The following ATXN10 variants were observed in gnomAD, a reference collection of about 807,000 sequenced individuals.
ATXN10 encodes the protein ataxin-10.
A neutral mutation model predicts 52.9 loss-of-function variants in ATXN10; 28 were observed. That is an observed-to-expected ratio of 0.53 (90% confidence interval 0.39 to 0.73). ATXN10 has a LOEUF of 0.73. Among genes scored for constraint, ATXN10 ranks in the 30% least tolerant of loss-of-function variants. The pLI, the probability that ATXN10 is intolerant of heterozygous loss-of-function variation, is 0.00. For missense variants in ATXN10, 565 were observed against 577.0 expected (o/e 0.98, Z 0.21); for synonymous variants, 226 against 221.5 (o/e 1.02, Z -0.18).
intron 5 of ATXN10, among the ~76,000 whole-genome samples, chr22:45,703,812 A>G (rs1425829453): frequency 6.6e-6 from 1 of 152,200 alleles, no homozygotes; most frequent in African/African-American, 2.4e-5. Flanking sequence ...GGGGCAAGGC[A>G]GAAAGCTCTG....
At chr22:45,693,306 G>A (rs1407032626) in intron 3 of ATXN10, among the ~76,000 whole-genome samples, 2 of 152,176 alleles carry the variant, frequency 1.3e-5, no homozygotes, top group African/African-American at 4.8e-5. Context: ...TGTTCCAGTT[G>A]CTATAACAAA....
In ATXN10 at chr22:45,765,859, G is replaced by GT. The variant is rs1193447376; in HGVS notation, c.1173+25329dup. Among the ~76,000 whole-genome samples the GT allele has an allele frequency of 7.9e-5, 12 of 151,834 alleles. No homozygotes were observed. The South Asian group carries it at 1.5e-3, about 18-fold the overall frequency. On this transcript the variant is annotated intron_variant, in intron 9 of 11. Transcript: ENST00000252934. ...AATATGATCCCAGTAATACCCTCAG[G>GT]TTTTTTTTGAGCTAGATTGATTCTA...
intron 6 of ATXN10, among the ~76,000 whole-genome samples, chr22:45,722,324 G>C (rs1431637767): frequency 6.6e-6 from 1 of 152,140 alleles, no homozygotes; most frequent in Non-Finnish European, 1.5e-5. Flanking sequence ...AGGGAGACCC[G>C]TATACCAGAC....
chr22:45,686,675 C>T lies in ATXN10; in HGVS notation c.117-3037C>T, dbSNP rs531076301. The stretch of plus-strand genomic sequence containing the variant: ...TCTACTAAAATACAAAAAAATTAGC[C>T]GGGCGTGGTGGCATGCACCTGTAGT... On this transcript the variant is annotated intron_variant, in intron 1 of 11. Coordinates refer to ENST00000252934, the MANE Select transcript of ATXN10 (RefSeq NM_013236.4). 2.2e-3 allele frequency among the ~76,000 whole-genome samples: 338 copies of T among 152,088 alleles called. 2 individuals carry two copies. The highest frequency in any genetic ancestry group is 7.9e-3 in the African/African-American group (328 of 41,494).
At position 45,718,569 on chromosome 22, in the gene ATXN10, G is replaced by T; in HGVS notation, c.728+76G>T. The stretch of plus-strand genomic sequence containing the variant: ...ATTCGATGCACGTGACTGAAAAGCT[G>T]TGTGGTTTCTGAGTTGGCACAGAAT... On this transcript the variant is annotated intron_variant, in intron 6 of 11. Coordinates refer to ENST00000252934, the MANE Select transcript of ATXN10 (RefSeq NM_013236.4). The surrounding 1 kb of genome is among the most constrained non-coding windows in gnomAD (Gnocchi z 4.4). 6 of 1,303,010 alleles carry T rather than the reference G, an allele frequency of 4.6e-6. No individual in the cohort carries two copies. The highest frequency in any genetic ancestry group is 6.7e-6 in the Non-Finnish European group (6 of 897,196). The allele number at this position is 1,303,010 out of a possible 1,614,324, so 80.7% of individuals were successfully genotyped here.
intron 3 of ATXN10, among the ~76,000 whole-genome samples, chr22:45,699,598 C>G (rs1017561529): frequency 2.2e-4 from 31 of 141,386 alleles, no homozygotes; most frequent in Admixed American, 5.2e-4. Context: ...TCAAGCAATT[C>G]TCCCTGCCTC....
chr22:45,832,148 G>A (rs1235164697), intron 10 of ATXN10, among the ~76,000 whole-genome samples: 1 of 152,216 alleles, frequency 6.6e-6, no homozygotes, highest in Non-Finnish European at 1.5e-5. Flanking sequence ...GCCCACAAGA[G>A]CTTCTTAATT....
intron 1 of ATXN10, among the ~76,000 whole-genome samples, chr22:45,686,147 G>T (rs1198804235): frequency 1.3e-5 from 2 of 152,114 alleles, no homozygotes; most frequent in South Asian, 2.1e-4. Context: ...TGACTCAAAG[G>T]GTACTGATTT....
Position 45,759,401 on chromosome 22 carries a change from A to G in ATXN10, c.1173+18863A>G, listed in dbSNP as rs1356013396. 6.6e-6 allele frequency among the ~76,000 whole-genome samples: 1 copy of G among 152,114 alleles called. No homozygotes were observed. The highest frequency in any genetic ancestry group is 1.9e-4 in the East Asian group (1 of 5,192). ...GTGGCGCATGCCTGTAATCCCAGCTACTCGGGAGGCTGAGGCGGGAGAATC... is the reference window on the plus strand; with the variant it reads ...GTGGCGCATGCCTGTAATCCCAGCTGCTCGGGAGGCTGAGGCGGGAGAATC... On this transcript the variant is annotated intron_variant, in intron 9 of 11. Transcript: ENST00000252934. The surrounding 1 kb of genome is among the most constrained non-coding windows in gnomAD (Gnocchi z 5.4).
rs890447983 is a variant in ATXN10 at position 45,690,825 on chromosome 22, T to C, written c.308+922T>C. On this transcript the variant is annotated intron_variant, in intron 2 of 11. Transcript: ENST00000252934. This position sits in a 1 kb window ranked among gnomAD's most constrained non-coding sequence, Gnocchi z 4.5. ...ACAGCATCTTTCTTCTTTGATTTTG[T>C]GGAACCTGCTTTTTATTAAAAATTT... Among the ~76,000 whole-genome samples the C allele has an allele frequency of 2.0e-5, 3 of 152,220 alleles. No homozygotes were observed. The highest frequency in any genetic ancestry group is 7.2e-5 in the African/African-American group (3 of 41,472).
rs560500738 is a variant in ATXN10, at chr22:45,727,223, G to T, written c.729-2202G>T. On this transcript the variant is annotated intron_variant, in intron 6 of 11. Transcript: ENST00000252934. The surrounding 1 kb of genome is among the most constrained non-coding windows in gnomAD (Gnocchi z 4.6). ...TGCAGGAGCAGCTTGTTTAATTTCC[G>T]TGTATTTATGTAGTTTTGAGGGTTC... 3.9e-5 allele frequency among the ~76,000 whole-genome samples: 6 copies of T among 152,148 alleles called. No homozygotes were observed. The South Asian group carries it at 1.2e-3, about 32-fold the overall frequency.
intron 9 of ATXN10, among the ~76,000 whole-genome samples, chr22:45,801,728 A>G (rs147786166): frequency 6.6e-6 from 1 of 152,320 alleles, no homozygotes; most frequent in African/African-American, 2.4e-5. Flanking sequence ...AAGGACAGCT[A>G]GTGGTTGGTG....
chr22:45,764,359 G>T (rs1301772641), intron 9 of ATXN10, among the ~76,000 whole-genome samples: 1 of 151,908 alleles, frequency 6.6e-6, no homozygotes, highest in Non-Finnish European at 1.5e-5. Context: ...TTCCGTGGAA[G>T]GGTTTCCCTT....
chr22:45,688,254 TGG>T lies in ATXN10; in HGVS notation c.117-1454_117-1453del. Among the ~76,000 whole-genome samples the T allele has an allele frequency of 6.6e-6, 1 of 152,310 alleles. No individual in the cohort carries two copies. Among genetic ancestry groups the T allele is most frequent in the Non-Finnish European group, 1.5e-5 (1 of 68,024 alleles). Reference sequence around the variant, plus strand: ...TTCATTATTTACACTCAGGGCTGACTGGGGGAGACATAGACAAATTATTTTAT... The same window carrying T: ...TTCATTATTTACACTCAGGGCTGACTGGGAGACATAGACAAATTATTTTAT... On this transcript the variant is annotated intron_variant, in intron 1 of 11. Coordinates refer to ENST00000252934, the MANE Select transcript of ATXN10 (RefSeq NM_013236.4). The surrounding 1 kb of genome is among the most constrained non-coding windows in gnomAD (Gnocchi z 4.0).
Position 45,823,580 on chromosome 22 carries a change from G to A in ATXN10, c.1237+16558G>A, listed in dbSNP as rs1280571721. The stretch of plus-strand genomic sequence containing the variant: ...TCCTGTGCTGTATTCTCTGTCCCTG[G>A]CCTGATACTATACTCTTGTAATCAT... On this transcript the variant is annotated intron_variant, in intron 10 of 11. Transcript: ENST00000252934. This position sits in a 1 kb window ranked among gnomAD's most constrained non-coding sequence, Gnocchi z 4.9. Among the ~76,000 whole-genome samples the A allele has an allele frequency of 6.6e-6, 1 of 152,012 alleles. No homozygotes were observed. The highest frequency in any genetic ancestry group is 1.5e-5 in the Non-Finnish European group (1 of 68,006).
chr22:45,749,072 G>T (rs190994183), intron 9 of ATXN10, among the ~76,000 whole-genome samples: 1 of 152,156 alleles, frequency 6.6e-6, no homozygotes, highest in Non-Finnish European at 1.5e-5. Flanking sequence ...CAATGTAACA[G>T]CGTACTATTG....
chr22:45,698,060 A>G (rs1221824902), intron 3 of ATXN10, among the ~76,000 whole-genome samples: 1 of 152,174 alleles, frequency 6.6e-6, no homozygotes. Context: ...TTTGTTGGAC[A>G]TTTAGGTTGT....
At chr22:45,799,087 G>GT (rs140914038) in intron 9 of ATXN10, among the ~76,000 whole-genome samples, 57,407 of 149,402 alleles carry the variant, frequency 0.38, 12,292 homozygotes, top group African/African-American at 0.58. Context: ...TTTGTTTTTT[G>GT]TTTTTCTTTT....
At chr22:45,793,568 T>C (rs950775989) in intron 9 of ATXN10, 1 of 1,288,404 alleles carries the variant, frequency 7.8e-7, no homozygotes, top group African/African-American at 1.5e-5. Flanking sequence ...CTGTGACAAA[T>C]GACTAGAATT....
Sources: gnomAD v4.1 joint callset for allele counts (sites outside exome capture counted in the v4.1 genomes callset) on GRCh38, gnomAD v4.1.1 for gene constraint, Gnocchi (gnomAD v3.1) non-coding constraint, MANE v1.5 for transcripts, NCBI Gene and HGNC (gene_info 2026-07-23, HGNC 2026-07-21) for gene names.